The following RBMS3 variants were observed in gnomAD, a reference collection of about 807,000 sequenced individuals.
The protein encoded by RBMS3 is RNA-binding motif, single-stranded-interacting protein 3.
A neutral mutation model predicts 66.8 loss-of-function variants in RBMS3; 27 were observed. The observed-to-expected ratio is 0.40, with a 90% confidence interval of 0.30 to 0.56. The LOEUF is 0.56. RBMS3 is among the 20% of genes least tolerant of loss of function. The pLI is 0.40. For missense variants in RBMS3, 513 were observed against 549.5 expected, an observed-to-expected ratio of 0.93 and a Z score of 0.66; for synonymous variants, 188 against 183.0, an observed-to-expected ratio of 1.03 and a Z score of -0.22.
At chr3:29,528,324 G>C (rs1279340239) in intron 3 of RBMS3, among the ~76,000 whole-genome samples, 2 of 151,942 alleles carry the variant, frequency 1.3e-5, no homozygotes, top group African/African-American at 4.8e-5. Context: ...TGTTGACCAG[G>C]CTGGTCTCAA....
At chr3:29,686,021 A>T (rs899724806) in intron 4 of RBMS3, among the ~76,000 whole-genome samples, 1 of 152,314 alleles carries the variant, frequency 6.6e-6, no homozygotes, top group Non-Finnish European at 1.5e-5. Flanking sequence ...GATCTTCATT[A>T]CTGGAGATGG....
chr3:29,837,111 G>C (rs1191590068), intron 6 of RBMS3, among the ~76,000 whole-genome samples: 1 of 151,912 alleles, frequency 6.6e-6, no homozygotes, highest in Non-Finnish European at 1.5e-5. Flanking sequence ...GTGTTACATG[G>C]GGTCAATCAT....
intron 1 of RBMS3, among the ~76,000 whole-genome samples, chr3:29,326,175 CT>C (rs1472270395): frequency 6.6e-6 from 1 of 152,102 alleles, no homozygotes; most frequent in African/African-American, 2.4e-5. Flanking sequence ...ACTCCTGTTT[CT>C]TTTTACTAAG....
intron 12 of RBMS3, among the ~76,000 whole-genome samples, chr3:29,949,718 T>A (rs1039251006): frequency 1.3e-5 from 2 of 151,636 alleles, no homozygotes; most frequent in Non-Finnish European, 2.9e-5. Context: ...TAGTGATATA[T>A]TAAAACCCTT....
chr3:29,746,657 A>G (rs894333368), intron 5 of RBMS3, among the ~76,000 whole-genome samples: 2 of 152,082 alleles, frequency 1.3e-5, no homozygotes, highest in African/African-American at 4.8e-5. Flanking sequence ...ACAGCTGGAG[A>G]GTGATGAACA....
intron 4 of RBMS3, among the ~76,000 whole-genome samples, chr3:29,629,201 T>C (rs1435649970): frequency 6.6e-6 from 1 of 152,192 alleles, no homozygotes; most frequent in East Asian, 1.9e-4. Flanking sequence ...ATCTACTTTC[T>C]ACTTTAAAGA....
At chr3:29,281,832 A>T in intron 1 of RBMS3, 76 bp downstream of exon 1, 1 of 1,261,802 alleles carries the variant, frequency 7.9e-7, no homozygotes, top group Non-Finnish European at 1.1e-6. Context: ...CAGGCGTGTG[A>T]ATTATTAGTT....
intron 3 of RBMS3, among the ~76,000 whole-genome samples, chr3:29,492,157 A>G (rs1280732278): frequency 1.3e-5 from 2 of 152,202 alleles, no homozygotes; most frequent in Admixed American, 1.3e-4. Flanking sequence ...GTGAATCACA[A>G]CCTTCATCAA....
At chr3:30,001,817 T>G (rs1173885269) in intron 14 of RBMS3, among the ~76,000 whole-genome samples, 1 of 151,768 alleles carries the variant, frequency 6.6e-6, no homozygotes, top group Non-Finnish European at 1.5e-5. Context: ...TTATTTATTT[T>G]ATTTCTAAAA....
chr3:29,599,054 G>T (rs1484742001), intron 4 of RBMS3, among the ~76,000 whole-genome samples: 1 of 151,402 alleles, frequency 6.6e-6, no homozygotes, highest in Non-Finnish European at 1.5e-5. Flanking sequence ...ATGTCTTAAA[G>T]AACTGATTAA....
intron 11 of RBMS3, among the ~76,000 whole-genome samples, chr3:29,942,802 A>G (rs927793206): frequency 2.0e-5 from 3 of 151,158 alleles, no homozygotes; most frequent in African/African-American, 4.9e-5. Context: ...ATGGTCCAAT[A>G]ATTAACTTTT....
At chr3:29,794,413 C>T (rs918586145) in intron 6 of RBMS3, among the ~76,000 whole-genome samples, 1 of 151,954 alleles carries the variant, frequency 6.6e-6, no homozygotes, top group African/African-American at 2.4e-5. Flanking sequence ...GGTGAAACCC[C>T]GTCTCTACTA....
intron 8 of RBMS3, among the ~76,000 whole-genome samples, chr3:29,891,013 T>A (rs1363422879): frequency 2.6e-5 from 4 of 151,644 alleles, no homozygotes; most frequent in Non-Finnish European, 4.4e-5. Context: ...TGCCACATCC[T>A]AGCTAAATGA....
chr3:29,822,211 G>A (rs948196645), intron 6 of RBMS3, among the ~76,000 whole-genome samples: 6 of 152,116 alleles, frequency 3.9e-5, no homozygotes, highest in Non-Finnish European at 8.8e-5. Context: ...CACTTCCTGA[G>A]TCTGAGTGTG....
intron 1 of RBMS3, among the ~76,000 whole-genome samples, chr3:29,362,915 T>TTATC (rs2037686228): frequency 6.6e-6 from 1 of 152,244 alleles, no homozygotes; most frequent in South Asian, 2.1e-4. Flanking sequence ...CCAACATATA[T>TTATC]TATCTATCTA....
intron 4 of RBMS3, among the ~76,000 whole-genome samples, chr3:29,682,972 C>T (rs2051561544): frequency 1.3e-5 from 2 of 152,320 alleles, no homozygotes; most frequent in Middle Eastern, 3.4e-3. Context: ...ATTTGGATCA[C>T]TGTTACTGTG....
chr3:29,859,884 G>GCACA (rs149338596), intron 6 of RBMS3, among the ~76,000 whole-genome samples: 3 of 151,032 alleles, frequency 2.0e-5, no homozygotes, highest in African/African-American at 4.8e-5. Flanking sequence ...ATGCATGGGG[G>GCACA]CACACACACA....
intron 1 of RBMS3, among the ~76,000 whole-genome samples, chr3:29,334,774 C>G (rs185075311): frequency 5.1e-4 from 78 of 152,252 alleles, no homozygotes; most frequent in African/African-American, 1.8e-3. Context: ...GACAATATGG[C>G]TTGGCAGTGT....
chr3:29,610,301 A>T (rs974083308), intron 4 of RBMS3, among the ~76,000 whole-genome samples: 1 of 152,074 alleles, frequency 6.6e-6, no homozygotes, highest in Non-Finnish European at 1.5e-5. Context: ...CCTACAAGAA[A>T]TAAATTTTAT....
Sources: allele counts gnomAD v4.1 joint callset (sites outside exome capture counted in the v4.1 genomes callset), GRCh38; gene constraint gnomAD v4.1.1; transcripts MANE v1.5; gene names NCBI Gene and HGNC (gene_info 2026-07-23, HGNC 2026-07-21).